The following FHIT variants were observed in gnomAD, a reference collection of about 807,000 sequenced individuals.
FHIT encodes fragile histidine triad diadenosine triphosphatase, also known as bis(5'-adenosyl)-triphosphatase.
In FHIT, 19 loss-of-function variants were observed where a neutral mutation model predicts 17.9. The observed-to-expected ratio is 1.06, with a 90% confidence interval of 0.74 to 1.56. The LOEUF (loss-of-function observed/expected upper bound fraction) is 1.56. FHIT is among the 40% of genes most tolerant of loss of function. The probability of loss-of-function intolerance (pLI) is 0.00; values close to 1 mark genes in which losing one functional copy is unlikely to be tolerated. For synonymous variants in FHIT, 81 were observed against 69.7 expected, an observed-to-expected ratio of 1.16 and a Z score of -0.81; for missense variants, 248 against 189.2, an observed-to-expected ratio of 1.31 and a Z score of -1.82.
chr3:60,026,492 A>G (rs1559559382), intron 5 of FHIT, among the ~76,000 whole-genome samples: 2 of 151,994 alleles, frequency 1.3e-5, no homozygotes, highest in Admixed American at 6.6e-5. Flanking sequence ...CATTCCACTC[A>G]CCCACCCATC....
At chr3:60,900,172 G>A (rs1370363102) in intron 3 of FHIT, among the ~76,000 whole-genome samples, 1 of 152,184 alleles carries the variant, frequency 6.6e-6, no homozygotes, top group Non-Finnish European at 1.5e-5. Flanking sequence ...CCTACTTCAA[G>A]ATCATCTCCA....
chr3:60,643,735 A>C (rs2039784706), intron 4 of FHIT, among the ~76,000 whole-genome samples: 1 of 152,212 alleles, frequency 6.6e-6, no homozygotes, highest in Non-Finnish European at 1.5e-5. Flanking sequence ...TTCTATGATC[A>C]AGGGTAGTAG....
chr3:60,661,598 T>C (rs1318784545), intron 4 of FHIT, among the ~76,000 whole-genome samples: 1 of 152,202 alleles, frequency 6.6e-6, no homozygotes, highest in Non-Finnish European at 1.5e-5. Flanking sequence ...CAAATGGTAG[T>C]TTTACTTTTA....
At chr3:60,105,056 AC>A (rs1345136700) in intron 5 of FHIT, among the ~76,000 whole-genome samples, 1 of 152,188 alleles carries the variant, frequency 6.6e-6, no homozygotes, top group Non-Finnish European at 1.5e-5. Flanking sequence ...ACTGCTCTGT[AC>A]CGTTCACACT....
At chr3:60,259,437 G>A (rs1437330889) in intron 5 of FHIT, among the ~76,000 whole-genome samples, 1 of 152,158 alleles carries the variant, frequency 6.6e-6, no homozygotes, top group African/African-American at 2.4e-5. Context: ...AGTGGGTGTG[G>A]AGAGACCTTC....
intron 8 of FHIT, among the ~76,000 whole-genome samples, chr3:59,813,546 A>T (rs2107057322): frequency 6.6e-6 from 1 of 152,316 alleles, no homozygotes; most frequent in South Asian, 2.1e-4. Context: ...AAGGATTTGG[A>T]GGTAGTCTTT....
At chr3:60,907,290 T>C (rs1238637321) in intron 3 of FHIT, among the ~76,000 whole-genome samples, 1 of 152,162 alleles carries the variant, frequency 6.6e-6, no homozygotes, top group Non-Finnish European at 1.5e-5. Flanking sequence ...TGGCCTACAA[T>C]GAGGAACAAT....
At chr3:60,045,281 A>T (rs1269365827) in intron 5 of FHIT, among the ~76,000 whole-genome samples, 2 of 152,208 alleles carry the variant, frequency 1.3e-5, no homozygotes, top group Admixed American at 6.5e-5. Context: ...TGGGCAATTT[A>T]CAAAAGAAAG....
At position 59,975,025 on chromosome 3, in the gene FHIT, C is replaced by G. The variant is rs142379507; in HGVS notation, c.279+36346G>C. ...TGCACTAATCGCCACTTAACATGTG[C>G]ATATTTTACTTATTTTTTTGTGGGC... On this transcript the variant is annotated intron_variant, in intron 7 of 9. Transcript: ENST00000492590. Among the ~76,000 whole-genome samples, 461 of 152,216 alleles carry G rather than the reference C, an allele frequency of 3.0e-3. 1 individual carries two copies. Among genetic ancestry groups the G allele is most frequent in the Admixed American group, 5.8e-3 (89 of 15,276 alleles).
chr3:59,948,955 A>T (rs557060579), intron 7 of FHIT, among the ~76,000 whole-genome samples: 1 of 152,214 alleles, frequency 6.6e-6, no homozygotes, highest in South Asian at 2.1e-4. Flanking sequence ...CTACTGTGTG[A>T]AGCTGAGGTT....
chr3:60,712,226 C>T (rs145760118), intron 4 of FHIT, among the ~76,000 whole-genome samples: 1 of 152,084 alleles, frequency 6.6e-6, no homozygotes, highest in Non-Finnish European at 1.5e-5. Context: ...CAAGCAAATG[C>T]TGAGAGATTT....
At chr3:60,462,294 C>T (rs1041884864) in intron 5 of FHIT, among the ~76,000 whole-genome samples, 1 of 152,156 alleles carries the variant, frequency 6.6e-6, no homozygotes, top group Non-Finnish European at 1.5e-5. Context: ...TGATCACTCC[C>T]CTTTTACAGA....
intron 3 of FHIT, among the ~76,000 whole-genome samples, chr3:60,839,440 G>A (rs1702643964): frequency 6.6e-6 from 1 of 152,152 alleles, no homozygotes; most frequent in African/African-American, 2.4e-5. Flanking sequence ...TGAGATCATG[G>A]CTAGATGGCA....
At chr3:60,193,622 A>C (rs1702498915) in intron 5 of FHIT, among the ~76,000 whole-genome samples, 1 of 152,222 alleles carries the variant, frequency 6.6e-6, no homozygotes, top group African/African-American at 2.4e-5. Flanking sequence ...TTTTATAGAA[A>C]GGTAAGATCC....
At chr3:59,903,418 G>A (rs921885106) in intron 8 of FHIT, among the ~76,000 whole-genome samples, 7 of 152,118 alleles carry the variant, frequency 4.6e-5, no homozygotes, top group Non-Finnish European at 8.8e-5. Flanking sequence ...TTTTAAATGG[G>A]TGAACTGTAT....
chr3:60,004,470 T>C (rs1480956070), intron 7 of FHIT, among the ~76,000 whole-genome samples: 1 of 152,114 alleles, frequency 6.6e-6, no homozygotes, highest in African/African-American at 2.4e-5. Context: ...AGCATTTAGG[T>C]TAAGCTTCAC....
intron 5 of FHIT, among the ~76,000 whole-genome samples, chr3:60,438,268 G>A (rs2030456405): frequency 6.6e-6 from 1 of 152,174 alleles, no homozygotes; most frequent in African/African-American, 2.4e-5. Context: ...ACACACCGAT[G>A]GGTGGAGATT....
intron 5 of FHIT, among the ~76,000 whole-genome samples, chr3:60,351,310 A>G (rs75496567): frequency 0.01 from 1,558 of 152,310 alleles, 34 homozygotes; most frequent in African/African-American, 0.036. Flanking sequence ...TGAAGGAAGC[A>G]ATACATTGAA....
intron 5 of FHIT, among the ~76,000 whole-genome samples, chr3:60,024,996 G>C (rs774743820): frequency 6.6e-6 from 1 of 152,178 alleles, no homozygotes; most frequent in African/African-American, 2.4e-5. Context: ...GAGATGCAGA[G>C]AATTTGAGAT....
Sources: allele counts gnomAD v4.1 joint callset (sites outside exome capture counted in the v4.1 genomes callset), GRCh38; gene constraint gnomAD v4.1.1; transcripts MANE v1.5; gene names NCBI Gene and HGNC (gene_info 2026-07-23, HGNC 2026-07-21).